The following NSMCE2 variants were observed in gnomAD, a reference collection of about 807,000 sequenced individuals.
NSMCE2 encodes the protein NSE2 SUMO ligase component of SMC5/6 complex, also known as E3 SUMO-protein ligase NSE2.
A neutral mutation model predicts 23.8 loss-of-function variants in NSMCE2; 24 were observed. That is an observed-to-expected ratio of 1.01 (90% CI 0.73 to 1.42). The LOEUF is 1.42. NSMCE2 is among the 40% of genes most tolerant of loss of function. The pLI is 0.00. For missense variants in NSMCE2, 284 were observed against 296.5 expected, an observed-to-expected ratio of 0.96 and a Z score of 0.31; for synonymous variants, 92 against 94.1, an observed-to-expected ratio of 0.98 and a Z score of 0.13.
At chr8:125,181,233 CT>C (rs1822790576) in intron 4 of NSMCE2, among the ~76,000 whole-genome samples, 1 of 151,932 alleles carries the variant, frequency 6.6e-6, no homozygotes, top group South Asian at 2.1e-4. Flanking sequence ...CAGAAAATAA[CT>C]GGGGGCAGGG....
intron 3 of NSMCE2, among the ~76,000 whole-genome samples, chr8:125,128,387 A>G (rs1397584612): frequency 6.6e-6 from 1 of 152,174 alleles, no homozygotes; most frequent in Non-Finnish European, 1.5e-5. Context: ...AGATCAATTT[A>G]TAAAAGACAA....
chr8:125,268,970 A>G (rs956020449), intron 5 of NSMCE2, among the ~76,000 whole-genome samples: 2 of 152,226 alleles, frequency 1.3e-5, no homozygotes, highest in Non-Finnish European at 2.9e-5. Flanking sequence ...ACTTTTTAAA[A>G]AATATATTGT....
At chr8:125,326,007 C>T (rs1797823898) in intron 5 of NSMCE2, among the ~76,000 whole-genome samples, 2 of 151,564 alleles carry the variant, frequency 1.3e-5, no homozygotes, top group African/African-American at 4.8e-5. Context: ...CCTGTAATCC[C>T]AGCACTTTGG....
intron 5 of NSMCE2, among the ~76,000 whole-genome samples, chr8:125,187,637 A>T (rs566255691): frequency 2.0e-5 from 3 of 152,256 alleles, no homozygotes; most frequent in Admixed American, 2.0e-4. Context: ...CTGTTACGTG[A>T]CTATCAGGCC....
chr8:125,355,693 C>A (rs974566446), intron 5 of NSMCE2, among the ~76,000 whole-genome samples: 143 of 131,110 alleles, frequency 1.1e-3, no homozygotes, highest in Non-Finnish European at 1.9e-3. Context: ...GAGCGAGACT[C>A]CATCTCAAAA....
intron 5 of NSMCE2, among the ~76,000 whole-genome samples, chr8:125,295,593 G>C (rs977816727): frequency 2.0e-5 from 3 of 152,178 alleles, no homozygotes; most frequent in African/African-American, 7.2e-5. Context: ...GAAGTTCTGA[G>C]AGGGACAAAG....
intron 3 of NSMCE2, among the ~76,000 whole-genome samples, chr8:125,132,068 A>T (rs1331717892): frequency 6.6e-6 from 1 of 152,194 alleles, no homozygotes; most frequent in Non-Finnish European, 1.5e-5. Context: ...TCAGCAACTA[A>T]AAATATATGT....
At chr8:125,160,497 C>A (rs956688945) in intron 4 of NSMCE2, among the ~76,000 whole-genome samples, 48 of 152,240 alleles carry the variant, frequency 3.2e-4, no homozygotes, top group African/African-American at 1.2e-3. Flanking sequence ...TGCTCATAGT[C>A]AGTGTTGTGA....
intron 5 of NSMCE2, among the ~76,000 whole-genome samples, chr8:125,298,381 T>C (rs895805282): frequency 5.9e-5 from 9 of 152,232 alleles, no homozygotes; most frequent in African/African-American, 2.2e-4. Context: ...ATCCCCATTT[T>C]GCAGATGTGG....
chr8:125,191,060 C>T (rs551389649), intron 5 of NSMCE2, among the ~76,000 whole-genome samples: 12 of 152,092 alleles, frequency 7.9e-5, no homozygotes, highest in East Asian at 1.9e-4. Flanking sequence ...TTAGTAGAGA[C>T]GGGGTTTCAC....
chr8:125,294,440 T>G (rs1264534655), intron 5 of NSMCE2, among the ~76,000 whole-genome samples: 1 of 152,210 alleles, frequency 6.6e-6, no homozygotes, highest in African/African-American at 2.4e-5. Context: ...GGGTTCCAAT[T>G]GCTCCGCGTC....
chr8:125,227,817 A>G (rs542158810), intron 5 of NSMCE2, among the ~76,000 whole-genome samples: 18 of 152,276 alleles, frequency 1.2e-4, no homozygotes, highest in African/African-American at 4.3e-4. Context: ...GGTTTCTTTT[A>G]GTCTTTTTTT....
intron 5 of NSMCE2, among the ~76,000 whole-genome samples, chr8:125,231,023 A>T (rs1563732734): frequency 6.6e-6 from 1 of 152,210 alleles, no homozygotes; most frequent in African/African-American, 2.4e-5. Context: ...GTGGTTGATT[A>T]AAAATTCTAG....
chr8:125,321,523 A>G (rs900530473), intron 5 of NSMCE2, among the ~76,000 whole-genome samples: 5 of 152,206 alleles, frequency 3.3e-5, no homozygotes, highest in African/African-American at 1.2e-4. Flanking sequence ...AGAAAATATT[A>G]CCCCAAACAT....
intron 7 of NSMCE2, among the ~76,000 whole-genome samples, chr8:125,365,730 G>A (rs542455077): frequency 8.5e-5 from 13 of 152,170 alleles, no homozygotes; most frequent in Admixed American, 2.0e-4. Context: ...GGTGGCAGGC[G>A]CCTGTAATCC....
At chr8:125,159,588 G>A (rs1195431686) in intron 4 of NSMCE2, among the ~76,000 whole-genome samples, 1 of 152,144 alleles carries the variant, frequency 6.6e-6, no homozygotes, top group Non-Finnish European at 1.5e-5. Context: ...TTCTCAGAAA[G>A]TATCCCCATC....
chr8:125,117,641 A>G (rs1010622632), intron 3 of NSMCE2, among the ~76,000 whole-genome samples: 1 of 151,954 alleles, frequency 6.6e-6, no homozygotes, highest in African/African-American at 2.4e-5. Flanking sequence ...CAGCCTCCCA[A>G]AGTAGCTGGG....
At chr8:125,130,555 G>A (rs1351684062) in intron 3 of NSMCE2, among the ~76,000 whole-genome samples, 1 of 152,058 alleles carries the variant, frequency 6.6e-6, no homozygotes, top group Non-Finnish European at 1.5e-5. Flanking sequence ...AAGGGCCCTG[G>A]TTCTTTTTGA....
chr8:125,352,832 A>C (rs1813095335), intron 5 of NSMCE2, among the ~76,000 whole-genome samples: 1 of 152,212 alleles, frequency 6.6e-6, no homozygotes, highest in Non-Finnish European at 1.5e-5. Flanking sequence ...ACACTGGAGA[A>C]TCCCAACGCT....
Sources: gnomAD v4.1 joint callset for allele counts (sites outside exome capture counted in the v4.1 genomes callset) on GRCh38, gnomAD v4.1.1 for gene constraint, MANE v1.5 for transcripts, NCBI Gene and HGNC (gene_info 2026-07-23, HGNC 2026-07-21) for gene names.